KCNH1: variants seen among roughly 807,000 people sequenced by gnomAD.
KCNH1 encodes the protein potassium voltage-gated channel subfamily H member 1, also known as voltage-gated delayed rectifier potassium channel KCNH1.
Under a neutral mutation model 69.2 loss-of-function variants are expected in KCNH1, and 27 were observed. That is an observed-to-expected ratio of 0.39 (90% confidence interval 0.29 to 0.54). The LOEUF (loss-of-function observed/expected upper bound fraction) is 0.54. Ranked by LOEUF, KCNH1 falls within the 20% of genes least tolerant of loss-of-function variation. KCNH1 has a pLI of 0.68. For missense variants in KCNH1, 798 were observed against 1,261.6 expected (o/e 0.63, Z 5.57); for synonymous variants, 456 against 487.7 (o/e 0.93, Z 0.86).
chr1:210,851,842 A>C (rs1685714475), intron 7 of KCNH1, among the ~76,000 whole-genome samples: 1 of 152,228 alleles, frequency 6.6e-6, no homozygotes, highest in African/African-American at 2.4e-5. Context: ...ACATATGGGA[A>C]CCACCATCCT....
intron 7 of KCNH1, chr1:210,862,229 G>A: frequency 8.7e-7 from 1 of 1,146,606 alleles, no homozygotes; most frequent in South Asian, 1.2e-5. Flanking sequence ...ATGGCCTCTT[G>A]CAGGGCTGGG....
intron 6 of KCNH1, among the ~76,000 whole-genome samples, chr1:210,929,618 C>T (rs1361715565): frequency 6.6e-6 from 1 of 152,110 alleles, no homozygotes; most frequent in Non-Finnish European, 1.5e-5. Flanking sequence ...AGAACTGGAA[C>T]AAGACAAGGT....
At chr1:210,828,139 G>A (rs1022037842) in intron 7 of KCNH1, among the ~76,000 whole-genome samples, 2 of 151,964 alleles carry the variant, frequency 1.3e-5, no homozygotes, top group African/African-American at 4.8e-5. Context: ...CACCGCACCC[G>A]GCCTCAGTTT....
At chr1:210,857,577 G>T (rs1685879963) in intron 7 of KCNH1, among the ~76,000 whole-genome samples, 1 of 152,026 alleles carries the variant, frequency 6.6e-6, no homozygotes, top group South Asian at 2.1e-4. Flanking sequence ...GTGCAGTGTT[G>T]CAATCTTTTT....
At chr1:210,867,574 T>C (rs1686142181) in intron 7 of KCNH1, among the ~76,000 whole-genome samples, 1 of 152,026 alleles carries the variant, frequency 6.6e-6, no homozygotes, top group Non-Finnish European at 1.5e-5. Context: ...TTTCAGTTCA[T>C]AGTTTGATGT....
At chr1:210,728,555 T>C (rs1682665256) in intron 10 of KCNH1, among the ~76,000 whole-genome samples, 1 of 152,226 alleles carries the variant, frequency 6.6e-6, no homozygotes, top group Non-Finnish European at 1.5e-5. Flanking sequence ...TCATTCTATG[T>C]CATTTACTTA....
intron 5 of KCNH1, among the ~76,000 whole-genome samples, chr1:211,034,511 T>G (rs1196586771): frequency 6.6e-6 from 1 of 152,098 alleles, no homozygotes; most frequent in African/African-American, 2.4e-5. Context: ...CTTGACTATA[T>G]CAATGCCAAT....
chr1:210,788,827 GC>G (rs1684158613), intron 9 of KCNH1, among the ~76,000 whole-genome samples: 1 of 147,470 alleles, frequency 6.8e-6, no homozygotes, highest in African/African-American at 2.5e-5. Flanking sequence ...CTCCCAAGTA[GC>G]TGGGACTACA....
At chr1:211,023,351 T>C (rs751949353) in intron 5 of KCNH1, among the ~76,000 whole-genome samples, 5 of 151,828 alleles carry the variant, frequency 3.3e-5, no homozygotes, top group Non-Finnish European at 1.5e-5. Context: ...GGCACTCCCA[T>C]GTTTATTGCA....
chr1:210,903,524 T>C (rs1687038248), intron 7 of KCNH1, among the ~76,000 whole-genome samples: 2 of 152,166 alleles, frequency 1.3e-5, no homozygotes, highest in South Asian at 4.1e-4. Context: ...ATAGCAAAAT[T>C]TTTTTCATGG....
intron 4 of KCNH1, among the ~76,000 whole-genome samples, chr1:211,087,660 CACA>C: frequency 1.3e-5 from 2 of 151,708 alleles, no homozygotes; most frequent in South Asian, 4.2e-4. Flanking sequence ...CACACACACA[CACA>C]CCCCAGAGCT....
chr1:210,806,836 A>AATATATATATATATATATATATAT (rs1553346590), intron 7 of KCNH1, among the ~76,000 whole-genome samples: 68 of 85,326 alleles, frequency 8.0e-4, no homozygotes, highest in South Asian at 1.4e-3. Flanking sequence ...AAAAAAAAAA[A>AATATATATATATATATATATATAT]ATATATATAT....
chr1:211,047,969 A>G (rs768745405), intron 5 of KCNH1, among the ~76,000 whole-genome samples: 1 of 152,140 alleles, frequency 6.6e-6, no homozygotes, highest in Non-Finnish European at 1.5e-5. Flanking sequence ...TGGCCAAAAA[A>G]TGTGAAAAAA....
At chr1:211,086,237 T>A (rs1011955950) in intron 4 of KCNH1, among the ~76,000 whole-genome samples, 2 of 152,262 alleles carry the variant, frequency 1.3e-5, no homozygotes, top group South Asian at 4.1e-4. Context: ...TTCCAATAGA[T>A]ATAAAGTCCC....
intron 6 of KCNH1, 125 bp from the exon 7 acceptor site, chr1:210,920,194 C>A: frequency 2.5e-6 from 2 of 789,726 alleles, no homozygotes; most frequent in Non-Finnish European, 3.9e-6. Context: ...TTATGCAACC[C>A]TTAAAAAAAG....
intron 5 of KCNH1, among the ~76,000 whole-genome samples, chr1:211,066,678 T>C (rs1162678619): frequency 6.6e-6 from 1 of 152,170 alleles, no homozygotes; most frequent in Non-Finnish European, 1.5e-5. Flanking sequence ...TTCAAATTAC[T>C]ATTGCTATTT....
At chr1:210,906,558 T>C (rs1448043244) in intron 7 of KCNH1, among the ~76,000 whole-genome samples, 1 of 152,218 alleles carries the variant, frequency 6.6e-6, no homozygotes, top group African/African-American at 2.4e-5. Context: ...CTGATTTCCA[T>C]AACTATTTCT....
At chr1:210,866,690 A>G (rs1325091412) in intron 7 of KCNH1, among the ~76,000 whole-genome samples, 1 of 152,152 alleles carries the variant, frequency 6.6e-6, no homozygotes, top group Non-Finnish European at 1.5e-5. Context: ...AAAACAGTTT[A>G]GCAGTTCCTC....
At position 210,839,968 on chromosome 1, in the gene KCNH1, C is replaced by T. The variant is rs532979177; in HGVS notation, c.1463-35802G>A. Among the ~76,000 whole-genome samples the T allele has an allele frequency of 3.9e-5, 6 of 152,236 alleles. No individual in the cohort carries two copies. The South Asian group carries it at 1.0e-3, about 26-fold the overall frequency. On this transcript the variant is annotated intron_variant, in intron 7 of 10. Transcript: ENST00000271751. ...TGGCCCAGGACCAATAAGCAAGTTA[C>T]CCAATGCTGAGTGAGAGTGAGAGAG... is the stretch of plus-strand genomic sequence containing the variant.
Sources: allele counts gnomAD v4.1 joint callset (sites outside exome capture counted in the v4.1 genomes callset), GRCh38; gene constraint gnomAD v4.1.1; transcripts MANE v1.5; gene names NCBI Gene and HGNC (gene_info 2026-07-23, HGNC 2026-07-21).